DNAH9: variants seen among roughly 807,000 people sequenced by gnomAD.
The protein encoded by DNAH9 is DNAH9 variant protein.
Under a neutral mutation model 471.6 loss-of-function variants are expected in DNAH9, and 345 were observed. The ratio of observed to expected loss-of-function variants is 0.73; its 90% CI spans 0.67 to 0.80. DNAH9 has a LOEUF of 0.80. Ranked by LOEUF, DNAH9 falls within the 30% of genes least tolerant of loss-of-function variation. DNAH9 has a pLI of 0.00. For missense variants in DNAH9, 5,407 were observed against 5,609.2 expected, an observed-to-expected ratio of 0.96 and a Z score of 1.15; for synonymous variants, 2,093 against 2,123.6, an observed-to-expected ratio of 0.99 and a Z score of 0.40.
chr17:11,956,335 T>C (rs558431499), intron 67 of DNAH9, among the ~76,000 whole-genome samples: 1 of 152,128 alleles, frequency 6.6e-6, no homozygotes, highest in African/African-American at 2.4e-5. Flanking sequence ...AGCGTCAAAA[T>C]ACATAAAGCA....
intron 61 of DNAH9, among the ~76,000 whole-genome samples, chr17:11,909,168 T>C (rs955825792): frequency 1.3e-5 from 2 of 152,206 alleles, no homozygotes; most frequent in African/African-American, 4.8e-5. Context: ...TTGTCAACTA[T>C]AGTCTTGATG....
chr17:11,606,761 G>A (rs2072518155), intron 1 of DNAH9, among the ~76,000 whole-genome samples: 1 of 152,128 alleles, frequency 6.6e-6, no homozygotes, highest in Non-Finnish European at 1.5e-5. Flanking sequence ...AGCTTGGAAA[G>A]TTCAAGAGCA....
In DNAH9 at chr17:11,704,527, G is replaced by A. The variant is rs2074663856; in HGVS notation, c.5391+85G>A. Reference sequence around the variant, plus strand: ...ATACAGCCAAAATATGGGGGCCCCAGGGTCTGTACAGCACTGACCAGACAG... The same window carrying A: ...ATACAGCCAAAATATGGGGGCCCCAAGGTCTGTACAGCACTGACCAGACAG... On this transcript the variant is annotated intron_variant, in intron 25 of 68. Coordinates refer to ENST00000262442, the MANE Select transcript of DNAH9 (RefSeq NM_001372.4). The A allele has an allele frequency of 3.5e-6, 5 of 1,422,252 alleles. No homozygotes were observed. The South Asian group carries it at 6.5e-5, about 19-fold the overall frequency. The allele number at this position is 1,422,252 out of a possible 1,614,324, so 88.1% of individuals were successfully genotyped here.
intron 6 of DNAH9, among the ~76,000 whole-genome samples, chr17:11,628,630 G>A (rs536811780): frequency 2.5e-4 from 38 of 152,300 alleles, no homozygotes; most frequent in African/African-American, 8.4e-4. Flanking sequence ...AAAGAAGGCC[G>A]GTGTCACCCT....
intron 9 of DNAH9, among the ~76,000 whole-genome samples, chr17:11,637,233 C>T (rs184463849): frequency 2.9e-4 from 44 of 152,272 alleles, no homozygotes; most frequent in African/African-American, 9.6e-4. Context: ...CATGCCAAGG[C>T]GTGATGTCTC....
intron 57 of DNAH9, among the ~76,000 whole-genome samples, chr17:11,889,092 G>A (rs1003495032): frequency 2.6e-5 from 4 of 152,182 alleles, no homozygotes; most frequent in African/African-American, 9.6e-5. Context: ...CAAGGCAAAG[G>A]TTAATAAGAC....
chr17:11,619,727 T>G lies in DNAH9; in HGVS notation c.1296T>G (p.Ser432=), dbSNP rs751179835. 3 of 1,614,076 alleles carry G rather than the reference T, an allele frequency of 1.9e-6. No individual in the cohort carries two copies. Among genetic ancestry groups the G allele is most frequent in the Middle Eastern group, 1.6e-4 (1 of 6,062 alleles). The change falls in exon 6 of 69, where the codon TCT becomes TCG. Residue 432 remains serine (S), a synonymous_variant. Transcript: ENST00000262442. ...NQEVKEWDFQ[S]SLVFVRLDGF... ...AAGTCAAGGAATGGGATTTCCAGTCTTCTTTGGTCTTTGTGCGATTGGATG... is the reference window on the plus strand; with the variant it reads ...AAGTCAAGGAATGGGATTTCCAGTCGTCTTTGGTCTTTGTGCGATTGGATG...
chr17:11,730,135 T>A (rs2075233965), intron 28 of DNAH9, among the ~76,000 whole-genome samples: 1 of 152,126 alleles, frequency 6.6e-6, no homozygotes, highest in Non-Finnish European at 1.5e-5. Context: ...TTTTTTTGGG[T>A]TTGTTCTGTT....
chr17:11,853,703 G>A (rs1299750975), intron 49 of DNAH9, among the ~76,000 whole-genome samples: 3 of 151,860 alleles, frequency 2.0e-5, no homozygotes, highest in African/African-American at 7.3e-5. Flanking sequence ...AGAGTATGTC[G>A]GCATCCTTGT....
intron 40 of DNAH9, 68 bp downstream of exon 40, chr17:11,783,816 A>T (rs1968757144): frequency 9.7e-6 from 13 of 1,341,378 alleles, no homozygotes; most frequent in South Asian, 1.2e-5. Flanking sequence ...CTTGATTATA[A>T]GTATAATAAT....
chr17:11,817,990 G>C (rs1970161294), intron 45 of DNAH9, among the ~76,000 whole-genome samples: 1 of 152,188 alleles, frequency 6.6e-6, no homozygotes, highest in Non-Finnish European at 1.5e-5. Flanking sequence ...TAATTTGCTG[G>C]AAAGTTGGCA....
intron 29 of DNAH9, among the ~76,000 whole-genome samples, chr17:11,740,026 A>G (rs2075409005): frequency 6.6e-6 from 1 of 152,196 alleles, no homozygotes; most frequent in Non-Finnish European, 1.5e-5. Flanking sequence ...TCTCTCAGTC[A>G]TGGCAAATTC....
intron 17 of DNAH9, among the ~76,000 whole-genome samples, chr17:11,674,467 T>C (rs1336411282): frequency 2.0e-5 from 3 of 152,242 alleles, no homozygotes; most frequent in Non-Finnish European, 2.9e-5. Context: ...CATCTTTTTA[T>C]GTTTTTGGTG....
At chr17:11,710,316 A>C (rs1016985475) in intron 26 of DNAH9, among the ~76,000 whole-genome samples, 1 of 152,180 alleles carries the variant, frequency 6.6e-6, no homozygotes, top group Non-Finnish European at 1.5e-5. Flanking sequence ...CACTATTAAA[A>C]ATAAAGCTGT....
Position 11,886,881 on chromosome 17 carries a change from G to A in DNAH9, c.11028G>A (p.Arg3676=). ...VKINEAREHY[R]PAAARASLLY... is the part of the protein sequence containing the mutation. ...TCAACGAGGCCCGAGAGCACTACCG[G>A]CCAGCAGCTGCCAGGGCCTCACTGC... Residue 3676 remains arginine, a synonymous_variant, in exon 57 of 69, where the codon CGG becomes CGA. Transcript: ENST00000262442. The A allele has an allele frequency of 6.2e-7, 1 of 1,612,930 alleles. No individual in the cohort carries two copies. The highest frequency in any genetic ancestry group is 8.5e-7 in the Non-Finnish European group (1 of 1,179,504).
At chr17:11,791,700 G>T (rs1329860026) in intron 41 of DNAH9, among the ~76,000 whole-genome samples, 1 of 152,084 alleles carries the variant, frequency 6.6e-6, no homozygotes, top group Admixed American at 6.6e-5. Flanking sequence ...GACAAAAAGT[G>T]AGACTCTGTC....
intron 20 of DNAH9, among the ~76,000 whole-genome samples, chr17:11,692,748 T>G (rs1264717984): frequency 6.6e-6 from 1 of 152,118 alleles, no homozygotes; most frequent in Non-Finnish European, 1.5e-5. Context: ...ACATGTGATA[T>G]CATAATAAAT....
At position 11,937,447 on chromosome 17, in the gene DNAH9, C is replaced by T. The variant is rs1205119268; in HGVS notation, c.12585C>T (p.Leu4195=). The change falls in exon 66 of 69, where the codon CTC becomes CTT. Residue 4195 remains leucine (L), a synonymous_variant. Transcript: ENST00000262442. The surrounding 1 kb of genome is among the most constrained non-coding windows in gnomAD (Gnocchi z 4.1). The stretch of plus-strand genomic sequence containing the variant: ...TCCTGACCCAAACCTCAGAAAAGCT[C>T]TTCCGCACTGTGCTGGAGCTGCAGC... The part of the protein sequence containing the change: ...IGFLTQTSEK[L]FRTVLELQPR... 6.2e-7 allele frequency: 1 copy of T among 1,614,022 alleles called. No homozygotes were observed. Among genetic ancestry groups the T allele is most frequent in the Non-Finnish European group, 8.5e-7 (1 of 1,179,992 alleles).
At chr17:11,614,893 A>G (rs1206500432) in intron 4 of DNAH9, among the ~76,000 whole-genome samples, 1 of 152,212 alleles carries the variant, frequency 6.6e-6, no homozygotes, top group African/African-American at 2.4e-5. Context: ...TCTTAACACC[A>G]TCACATTGGC....
Sources: allele counts gnomAD v4.1 joint callset (sites outside exome capture counted in the v4.1 genomes callset), GRCh38; gene constraint gnomAD v4.1.1; non-coding constraint Gnocchi (gnomAD v3.1); transcripts MANE v1.5; gene names NCBI Gene and HGNC (gene_info 2026-07-23, HGNC 2026-07-21).